Variants in B4GALT1 observed in about 807,000 individuals in gnomAD.
B4GALT1 encodes beta-1,4-galactosyltransferase 1.
A neutral mutation model predicts 34.9 loss-of-function variants in B4GALT1; 16 were observed. That is an observed-to-expected ratio of 0.46 (90% CI 0.31 to 0.70). The LOEUF is 0.70. Among genes scored for constraint, B4GALT1 ranks in the 30% least tolerant of loss-of-function variants. B4GALT1 has a pLI of 0.05. For synonymous variants in B4GALT1, 221 were observed against 218.1 expected, an observed-to-expected ratio of 1.01 and a Z score of -0.12; for missense variants, 445 against 530.5, an observed-to-expected ratio of 0.84 and a Z score of 1.58.
Position 33,113,048 on chromosome 9 carries a change from C to A in B4GALT1, c.*406G>T. Reference sequence around the variant, plus strand: ...AACTACCAAAAAGATCACACCAATCCAATTTTAGCAGCACTCTCCGAATTT... The same window carrying A: ...AACTACCAAAAAGATCACACCAATCAAATTTTAGCAGCACTCTCCGAATTT... On this transcript the variant is annotated 3_prime_UTR_variant, in exon 6 of 6. Coordinates refer to ENST00000379731, the MANE Select transcript of B4GALT1 (RefSeq NM_001497.4). 1 of 281,244 alleles carries A rather than the reference C, an allele frequency of 3.6e-6. No homozygotes were observed. Among genetic ancestry groups the A allele is most frequent in the Non-Finnish European group, 7.0e-6 (1 of 142,634 alleles). 17.4% of individuals were successfully genotyped at this position (281,244 alleles called of 1,614,324 possible). A position where few individuals can be genotyped will look rare whatever the true frequency, so the allele number is the denominator to read the frequency against.
intron 1 of B4GALT1, among the ~76,000 whole-genome samples, chr9:33,157,110 G>A (rs1410470524): frequency 1.4e-5 from 1 of 70,700 alleles, no homozygotes. Context: ...ACGGTGTCCA[G>A]CATAGGGAAC....
the B4GALT1 span, among the ~76,000 whole-genome samples, chr9:33,173,099 C>T: frequency 6.6e-6 from 1 of 152,068 alleles, no homozygotes; most frequent in Non-Finnish European, 1.5e-5. Context: ...AACACAGCAA[C>T]ACTGATTAAA....
rs1839891838 is a variant in B4GALT1 at position 33,113,374 on chromosome 9, G to A, written c.*80C>T. 1.2e-6 allele frequency: 2 copies of A among 1,602,528 alleles called. No individual in the cohort carries two copies. The highest frequency in any genetic ancestry group is 3.3e-5 in the Admixed American group (2 of 59,990). On this transcript the variant is annotated 3_prime_UTR_variant, in exon 6 of 6. Coordinates refer to ENST00000379731, the MANE Select transcript of B4GALT1 (RefSeq NM_001497.4). ...TCACTCAGACTGGTAAAAATGAGAGGGACCAGCCCAGCAGATTGGCAGAGA... is the reference window on the plus strand; with the variant it reads ...TCACTCAGACTGGTAAAAATGAGAGAGACCAGCCCAGCAGATTGGCAGAGA...
chr9:33,145,497 C>G (rs920592491), intron 1 of B4GALT1, among the ~76,000 whole-genome samples: 6 of 152,294 alleles, frequency 3.9e-5, no homozygotes, highest in African/African-American at 1.4e-4. Flanking sequence ...AAGGAAACAG[C>G]ACCATGATCA....
chr9:33,134,387 T>C (rs553847000), intron 2 of B4GALT1, among the ~76,000 whole-genome samples: 7 of 152,342 alleles, frequency 4.6e-5, no homozygotes, highest in South Asian at 4.1e-4. Context: ...AGATGTGTCA[T>C]TGCACCTAGG....
chr9:33,132,630 T>C (rs1170290274), intron 2 of B4GALT1, among the ~76,000 whole-genome samples: 2 of 152,218 alleles, frequency 1.3e-5, no homozygotes, highest in Non-Finnish European at 2.9e-5. Flanking sequence ...GGCAGGAGCA[T>C]GTAGCTGGCA....
At chr9:33,108,447 TA>T (rs60251768), downstream of B4GALT1, among the ~76,000 whole-genome samples, 42 of 142,184 alleles carry the variant, frequency 3.0e-4, no homozygotes, top group African/African-American at 2.9e-4. Context: ...ACTCTGTCTC[TA>T]AAAAAAAAAA....
chr9:33,149,943 C>T (rs959140179), intron 1 of B4GALT1, among the ~76,000 whole-genome samples: 5 of 152,178 alleles, frequency 3.3e-5, no homozygotes, highest in Non-Finnish European at 7.3e-5. Flanking sequence ...ACATGGTTTT[C>T]TTCTACCATC....
At chr9:33,124,030 AGCAGGT>A (rs1332658267) in intron 2 of B4GALT1, among the ~76,000 whole-genome samples, 2 of 152,308 alleles carry the variant, frequency 1.3e-5, no homozygotes, top group East Asian at 3.9e-4. Flanking sequence ...GGTGCACTTT[AGCAGGT>A]GCTATCATCT....
At chr9:33,109,888 G>A (rs923223273), downstream of B4GALT1, among the ~76,000 whole-genome samples, 1 of 152,248 alleles carries the variant, frequency 6.6e-6, no homozygotes, top group Non-Finnish European at 1.5e-5. Flanking sequence ...GTGTGAGAAG[G>A]AAAGAAACAG....
intron 1 of B4GALT1, among the ~76,000 whole-genome samples, chr9:33,164,264 G>A (rs757103397): frequency 2.0e-5 from 3 of 152,104 alleles, no homozygotes; most frequent in Non-Finnish European, 4.4e-5. Flanking sequence ...AAAACCACCC[G>A]CAAGGGCTTT....
At chr9:33,181,579 C>T in the B4GALT1 span, among the ~76,000 whole-genome samples, 1 of 152,092 alleles carries the variant, frequency 6.6e-6, no homozygotes, top group East Asian at 1.9e-4. Context: ...CCCACTCTTC[C>T]CTATGTGGTT....
chr9:33,126,914 G>C (rs1840118043), intron 2 of B4GALT1, among the ~76,000 whole-genome samples: 1 of 152,152 alleles, frequency 6.6e-6, no homozygotes, highest in South Asian at 2.1e-4. Context: ...GGGATTCTGG[G>C]TGAAGTGAGC....
At chr9:33,183,944 A>T in the B4GALT1 span, among the ~76,000 whole-genome samples, 1 of 151,814 alleles carries the variant, frequency 6.6e-6, no homozygotes, top group Admixed American at 6.6e-5. Context: ...GCATGTTCTC[A>T]CTTGTTAAGT....
At position 33,147,015 on chromosome 9, in the gene B4GALT1, T is replaced by C. The variant is rs529771221; in HGVS notation, c.413-11591A>G. ...CACACCTGGCCCCCAAATGCAATTT[T>C]CAAGGGAAGGCAACACAGTAGGAAG... is the stretch of plus-strand genomic sequence containing the variant. On this transcript the variant is annotated intron_variant, in intron 1 of 5. Transcript: ENST00000379731. 2.6e-5 allele frequency among the ~76,000 whole-genome samples: 4 copies of C among 151,956 alleles called. No individual in the cohort carries two copies. In the South Asian group the frequency reaches 8.3e-4, roughly 32 times the overall value.
intron 2 of B4GALT1, among the ~76,000 whole-genome samples, chr9:33,125,355 A>C (rs1245894365): frequency 1.3e-5 from 2 of 152,232 alleles, no homozygotes; most frequent in African/African-American, 2.4e-5. Flanking sequence ...CGATGAGCCA[A>C]ATCACCGAGG....
chr9:33,150,218 C>A, intron 1 of B4GALT1, among the ~76,000 whole-genome samples: 1 of 130,680 alleles, frequency 7.7e-6, no homozygotes, highest in Non-Finnish European at 1.6e-5. Flanking sequence ...TAATATCTAT[C>A]TATCTACAGG....
chr9:33,136,010 G>A lies in B4GALT1; in HGVS notation c.413-586C>T, dbSNP rs111608723. 9.7e-3 allele frequency among the ~76,000 whole-genome samples: 1,481 copies of A among 151,932 alleles called. 23 individuals are homozygous for A. The highest frequency in any genetic ancestry group is 0.034 in the African/African-American group (1,394 of 41,384). On this transcript the variant is annotated intron_variant, in intron 1 of 5. Coordinates refer to ENST00000379731, the MANE Select transcript of B4GALT1 (RefSeq NM_001497.4). ...GGAAGGTAGCAGGAGTGGCATGAGTGCCCATGTCCCAGGAAGGGACTCGAT... is the reference window on the plus strand; with the variant it reads ...GGAAGGTAGCAGGAGTGGCATGAGTACCCATGTCCCAGGAAGGGACTCGAT...
chr9:33,120,408 GT>G lies in B4GALT1; in HGVS notation c.836+10del. 1.2e-6 allele frequency: 2 copies of G among 1,612,352 alleles called. No individual in the cohort carries two copies. Among genetic ancestry groups the G allele is most frequent in the Non-Finnish European group, 1.7e-6 (2 of 1,179,816 alleles). On this transcript the variant is annotated intron_variant, in intron 3 of 5. Coordinates refer to ENST00000379731, the MANE Select transcript of B4GALT1 (RefSeq NM_001497.4). ...CATGTTTACCACAGATTCTGACTGAGTATCTCTTACCTGAATCCAAACTTAT... is the reference window on the plus strand; with the variant it reads ...CATGTTTACCACAGATTCTGACTGAGATCTCTTACCTGAATCCAAACTTAT...
Sources: gnomAD v4.1 joint callset for allele counts (sites outside exome capture counted in the v4.1 genomes callset) on GRCh38, gnomAD v4.1.1 for gene constraint, MANE v1.5 for transcripts, NCBI Gene and HGNC (gene_info 2026-07-23, HGNC 2026-07-21) for gene names.